The following PDZD8 variants were observed in gnomAD, a reference collection of about 807,000 sequenced individuals.
PDZD8 encodes PDZ domain containing 8, also known as PDZ domain-containing protein 8.
Under a neutral mutation model 85.8 loss-of-function variants are expected in PDZD8, and 14 were observed. That is an observed-to-expected ratio of 0.16 (90% CI 0.11 to 0.26). PDZD8 has a LOEUF of 0.26. Ranked by LOEUF, PDZD8 falls within the 10% of genes least tolerant of loss-of-function variation. PDZD8 has a pLI of 1.00. For synonymous variants in PDZD8, 592 were observed against 568.6 expected, an observed-to-expected ratio of 1.04 and a Z score of -0.59; for missense variants, 1,197 against 1,424.3, an observed-to-expected ratio of 0.84 and a Z score of 2.57.
chr10:117,320,221 G>A (rs1381346599), intron 2 of PDZD8, among the ~76,000 whole-genome samples: 2 of 152,000 alleles, frequency 1.3e-5, no homozygotes, highest in African/African-American at 2.4e-5. Flanking sequence ...CTAAGTTTAG[G>A]GAAAAAATGA....
chr10:117,349,175 T>C (rs531514928), intron 1 of PDZD8, among the ~76,000 whole-genome samples: 1 of 152,212 alleles, frequency 6.6e-6, no homozygotes, highest in East Asian at 1.9e-4. Flanking sequence ...TAAACCCAGA[T>C]GACTGGTGTG....
At chr10:117,298,176 T>C (rs2133775940) in intron 3 of PDZD8, among the ~76,000 whole-genome samples, 1 of 152,156 alleles carries the variant, frequency 6.6e-6, no homozygotes, top group Admixed American at 6.5e-5. Flanking sequence ...GAACAGCGTG[T>C]CTGAAAGAAA....
intron 3 of PDZD8, among the ~76,000 whole-genome samples, chr10:117,305,471 T>TACACACACACAC (rs57037106): frequency 9.7e-4 from 138 of 141,788 alleles, no homozygotes; most frequent in East Asian, 6.1e-3. Flanking sequence ...TACACACACA[T>TACACACACACAC]ACACACACAC....
At chr10:117,369,379 G>A (rs1054388688) in intron 1 of PDZD8, among the ~76,000 whole-genome samples, 4 of 151,858 alleles carry the variant, frequency 2.6e-5, no homozygotes, top group African/African-American at 7.3e-5. Flanking sequence ...GGCTGGTCTC[G>A]AACTCCTGAC....
rs1844633763 is a variant in PDZD8, at chr10:117,284,913, G to A, written c.1820C>T (p.Pro607Leu). 1.2e-6 allele frequency: 2 copies of A among 1,614,038 alleles called. No individual in the cohort carries two copies. The highest frequency in any genetic ancestry group is 1.7e-5 in the Admixed American group (1 of 60,010). ...AKVPLPSADA[P>L]NQAEPDVLVE... ...GAGAACATCTGGTTCTGCCTGATTT[G>A]GAGCATCGGCGGAAGGCAAAGGAAC... The change falls in exon 5 of 5, where the codon CCA becomes CTA. Residue 607 changes from proline (P) to leucine (L), a missense_variant. Transcript: ENST00000334464.
intron 3 of PDZD8, among the ~76,000 whole-genome samples, chr10:117,310,996 A>G (rs1053088094): frequency 1.3e-5 from 2 of 152,218 alleles, no homozygotes; most frequent in African/African-American, 4.8e-5. Context: ...TCAACAATAC[A>G]TGACAGAGGT....
chr10:117,340,231 C>T (rs1431088241), intron 2 of PDZD8, among the ~76,000 whole-genome samples: 4 of 152,230 alleles, frequency 2.6e-5, no homozygotes, highest in Non-Finnish European at 4.4e-5. Flanking sequence ...TTCTCAAAAC[C>T]GTTTTGATAG....
At chr10:117,319,618 C>T (rs2532786) in intron 2 of PDZD8, among the ~76,000 whole-genome samples, 116,817 of 151,990 alleles carry the variant, frequency 0.77, 45,555 homozygotes, top group Non-Finnish European at 0.85. Context: ...TAAATGTTAT[C>T]TCTATTATTG....
intron 2 of PDZD8, among the ~76,000 whole-genome samples, chr10:117,327,721 C>T (rs1325914524): frequency 1.3e-5 from 2 of 152,196 alleles, no homozygotes; most frequent in African/African-American, 2.4e-5. Context: ...TTAGGGTACA[C>T]ATTGCTTCAC....
chr10:117,359,310 G>C lies in PDZD8; in HGVS notation c.872+15046C>G, dbSNP rs565271315. Among the ~76,000 whole-genome samples the C allele has an allele frequency of 7.3e-4, 110 of 151,346 alleles. 3 individuals are homozygous for C. In the South Asian group the frequency reaches 0.021, roughly 29 times the overall value. On this transcript the variant is annotated intron_variant, in intron 1 of 4. Transcript: ENST00000334464. ...GCATGCCTGTAGTCCCAGCTACTGGGGAGGCTGGGATGGTAGGATCACTTG... is the reference window on the plus strand; with the variant it reads ...GCATGCCTGTAGTCCCAGCTACTGGCGAGGCTGGGATGGTAGGATCACTTG...
chr10:117,287,583 T>G (rs1844687270), intron 4 of PDZD8, among the ~76,000 whole-genome samples: 1 of 152,208 alleles, frequency 6.6e-6, no homozygotes, highest in Non-Finnish European at 1.5e-5. Flanking sequence ...TAACTCAATT[T>G]GAATCCTAGG....
At chr10:117,301,062 C>T (rs1843839078) in intron 3 of PDZD8, among the ~76,000 whole-genome samples, 1 of 152,106 alleles carries the variant, frequency 6.6e-6, no homozygotes, top group Non-Finnish European at 1.5e-5. Flanking sequence ...GATCTTGGCT[C>T]ACTGCAACCT....
intron 2 of PDZD8, among the ~76,000 whole-genome samples, chr10:117,337,687 T>C (rs1184366111): frequency 1.3e-5 from 2 of 152,158 alleles, no homozygotes; most frequent in Non-Finnish European, 2.9e-5. Flanking sequence ...TCTTGAGACA[T>C]AATAATAGAA....
chr10:117,290,066 C>T, intron 4 of PDZD8, 120 bp downstream of exon 4: 14 of 799,904 alleles, frequency 1.8e-5, no homozygotes, highest in South Asian at 3.1e-5. Context: ...ACTTTATTTC[C>T]ATTATAAAAG....
At chr10:117,337,815 T>G (rs559447087) in intron 2 of PDZD8, among the ~76,000 whole-genome samples, 152 of 152,312 alleles carry the variant, frequency 1.0e-3, no homozygotes, top group Non-Finnish European at 1.8e-3. Context: ...ACTTGCCTAG[T>G]GACACTATAT....
At chr10:117,364,337 AT>A (rs1208669408) in intron 1 of PDZD8, among the ~76,000 whole-genome samples, 1 of 152,144 alleles carries the variant, frequency 6.6e-6, no homozygotes, top group Non-Finnish European at 1.5e-5. Context: ...ACCATAAAAA[AT>A]GTTAAAATAT....
intron 2 of PDZD8, among the ~76,000 whole-genome samples, chr10:117,340,548 CAG>C (rs1405377590): frequency 6.6e-6 from 1 of 152,198 alleles, no homozygotes; most frequent in Non-Finnish European, 1.5e-5. Context: ...ATGCTGTATT[CAG>C]AGTTGAGCCC....
chr10:117,367,181 C>T (rs150803764), intron 1 of PDZD8, among the ~76,000 whole-genome samples: 15 of 152,052 alleles, frequency 9.9e-5, no homozygotes, highest in African/African-American at 3.1e-4. Context: ...GAGGCTGAGG[C>T]GGGGGGATCA....
At chr10:117,367,094 T>C (rs1158062681) in intron 1 of PDZD8, among the ~76,000 whole-genome samples, 1 of 152,210 alleles carries the variant, frequency 6.6e-6, no homozygotes, top group East Asian at 1.9e-4. Flanking sequence ...GGATAGCCAA[T>C]ATACTTGTAC....
Sources: allele counts gnomAD v4.1 joint callset (sites outside exome capture counted in the v4.1 genomes callset), GRCh38; gene constraint gnomAD v4.1.1; transcripts MANE v1.5; gene names NCBI Gene and HGNC (gene_info 2026-07-23, HGNC 2026-07-21).